C11orf65: variants seen among roughly 807,000 people sequenced by gnomAD.
The protein encoded by C11orf65 is protein MFI.
A neutral mutation model predicts 35.3 loss-of-function variants in C11orf65; 38 were observed. That is an observed-to-expected ratio of 1.08 (90% CI 0.83 to 1.41). C11orf65 has a LOEUF of 1.41. C11orf65 is among the 40% of genes most tolerant of loss of function. The pLI, the probability that C11orf65 is intolerant of heterozygous loss-of-function variation, is 0.00. For synonymous variants in C11orf65, 105 were observed against 114.4 expected (o/e 0.92, Z 0.53); for missense variants, 370 against 367.1 (o/e 1.01, Z -0.06).
chr11:108,322,612 T>C (rs1376742949), intron 6 of C11orf65, among the ~76,000 whole-genome samples: 1 of 152,232 alleles, frequency 6.6e-6, no homozygotes, highest in African/African-American at 2.4e-5. Flanking sequence ...ATAGTATAGT[T>C]ACTCAGGATG....
intron 2 of C11orf65, among the ~76,000 whole-genome samples, chr11:108,437,686 G>A (rs2093082690): frequency 7.6e-6 from 1 of 131,706 alleles, no homozygotes; most frequent in Admixed American, 8.2e-5. Flanking sequence ...CTCCAGCCTG[G>A]TGACAGGTGA....
At chr11:108,395,699 C>A (rs2092292930) in intron 6 of C11orf65, among the ~76,000 whole-genome samples, 1 of 146,124 alleles carries the variant, frequency 6.8e-6, no homozygotes, top group Non-Finnish European at 1.5e-5. Context: ...CGGCTCACTG[C>A]AAGCTCCGCC....
intron 7 of C11orf65, among the ~76,000 whole-genome samples, chr11:108,391,841 TAACACATG>T (rs912694565): frequency 3.3e-5 from 5 of 151,216 alleles, no homozygotes; most frequent in African/African-American, 1.2e-4. Flanking sequence ...ATAAATAAAA[TAACACATG>T]ATCCTTTGTG....
At position 108,405,543 on chromosome 11, in the gene C11orf65, T is replaced by C. The variant is rs745390622; in HGVS notation, c.446A>G (p.Asp149Gly). 5 of 1,612,934 alleles carry C rather than the reference T, an allele frequency of 3.1e-6. No individual in the cohort carries two copies. Among genetic ancestry groups the C allele is most frequent in the Middle Eastern group, 1.6e-4 (1 of 6,082 alleles). The stretch of plus-strand genomic sequence containing the variant: ...CTTTTTGTCTTCCACCACCATACCA[T>C]CAGTAGATAGCCAAAACTATTGAGA... ...PVSDTFWLST[D>G]GMVVEDKKES... The change falls in exon 6 of 9, where the codon GAT (aspartate) becomes GGT (glycine). Residue 149 changes from aspartate (D) to glycine (G), a missense_variant. Physicochemically the swap from Asp to Gly is moderately conservative, Grantham distance 94. Coordinates refer to ENST00000393084, the MANE Select transcript of C11orf65 (RefSeq NM_152587.5).
rs1400642000 is a variant in C11orf65, at chr11:108,331,429, T to G, written c.*121A>C. The G allele has an allele frequency of 6.2e-7, 1 of 1,610,762 alleles. No homozygotes were observed. The highest frequency in any genetic ancestry group is 8.5e-7 in the Non-Finnish European group (1 of 1,178,594). ...TACCTTGTTTCTTAATTTTGTGTCT[T>G]TTTTTTAATGGTAGAGAGACGGAAT... On this transcript the variant is annotated 3_prime_UTR_variant, in exon 4 of 4. Coordinates refer to the C11orf65 transcript ENST00000524755.
chr11:108,464,651 C>T (rs12792979), intron 1 of C11orf65, among the ~76,000 whole-genome samples: 55,026 of 151,950 alleles, frequency 0.36, 10,457 homozygotes, highest in East Asian at 0.55. Flanking sequence ...TGAGCCACTG[C>T]GCCTGGTGCA....
intron 2 of C11orf65, among the ~76,000 whole-genome samples, chr11:108,357,357 G>A (rs1030924415): frequency 3.3e-5 from 5 of 152,166 alleles, no homozygotes; most frequent in Non-Finnish European, 2.9e-5. Context: ...AGGTGGCAGC[G>A]AGGCTGGGGG....
chr11:108,312,948 C>T (rs1283062484), intron 6 of C11orf65, among the ~76,000 whole-genome samples: 1 of 152,160 alleles, frequency 6.6e-6, no homozygotes, highest in African/African-American at 2.4e-5. Context: ...TTGGTCAACT[C>T]ATTCCTCCAC....
intron 2 of C11orf65, among the ~76,000 whole-genome samples, chr11:108,436,350 A>C (rs2093060341): frequency 6.6e-6 from 1 of 151,696 alleles, no homozygotes; most frequent in South Asian, 2.1e-4. Context: ...CAGTAGCATT[A>C]GGAAATTAAT....
chr11:108,441,576 G>A (rs1276914078), intron 2 of C11orf65, among the ~76,000 whole-genome samples: 1 of 152,198 alleles, frequency 6.6e-6, no homozygotes, highest in Non-Finnish European at 1.5e-5. Flanking sequence ...CCCCCCAGTA[G>A]GGGCAGACTG....
At chr11:108,450,723 A>G (rs968833480) in intron 2 of C11orf65, among the ~76,000 whole-genome samples, 14 of 151,626 alleles carry the variant, frequency 9.2e-5, no homozygotes, top group Non-Finnish European at 1.8e-4. Flanking sequence ...ATGTATACAT[A>G]TGTAAGAAAC....
chr11:108,365,620 G>A lies in C11orf65; in HGVS notation c.226+27588C>T, dbSNP rs1216708538. On this transcript the variant is annotated intron_variant, in intron 2 of 3. Coordinates refer to the C11orf65 transcript ENST00000524755. Reference sequence around the variant, plus strand: ...GGGATTAATATTTAAGTGAACTATTGTGGGTTTTTTTGAATGTTGGTTTTA... The same window carrying A: ...GGGATTAATATTTAAGTGAACTATTATGGGTTTTTTTGAATGTTGGTTTTA... 16 of 1,347,844 alleles carry A rather than the reference G, an allele frequency of 1.2e-5. No homozygotes were observed. The Admixed American group carries it at 3.7e-4, about 31-fold the overall frequency. The allele number at this position is 1,347,844 out of a possible 1,614,324, so 83.5% of individuals were successfully genotyped here.
Position 108,331,524 on chromosome 11 carries a change from G to A in C11orf65, c.*26C>T, listed in dbSNP as rs587781854. The A allele has an allele frequency of 6.2e-7, 1 of 1,612,930 alleles. No homozygotes were observed. Among genetic ancestry groups the A allele is most frequent in the Non-Finnish European group, 8.5e-7 (1 of 1,179,588 alleles). On this transcript the variant is annotated 3_prime_UTR_variant, in exon 4 of 4. Transcript: ENST00000524755. ...CTGCTAGAATGGGGACCAAGATGATGGGAGGCCTAGGATTTCATGAAGTCC... is the reference window on the plus strand; with the variant it reads ...CTGCTAGAATGGGGACCAAGATGATAGGAGGCCTAGGATTTCATGAAGTCC...
At chr11:108,373,271 AG>A (rs1319581701) in intron 2 of C11orf65, among the ~76,000 whole-genome samples, 7 of 152,226 alleles carry the variant, frequency 4.6e-5, no homozygotes, top group Admixed American at 1.3e-4. Context: ...CCAATAGTGC[AG>A]AAAAAGCTTG....
chr11:108,437,770 C>T (rs1221906346), intron 2 of C11orf65, among the ~76,000 whole-genome samples: 2 of 125,064 alleles, frequency 1.6e-5, no homozygotes, highest in Non-Finnish European at 3.4e-5. Context: ...AAACACCCCA[C>T]ATTCACAGAT....
intron 3 of C11orf65, among the ~76,000 whole-genome samples, chr11:108,419,476 T>C (rs906539880): frequency 8.5e-5 from 13 of 152,258 alleles, no homozygotes; most frequent in Middle Eastern, 3.4e-3. Flanking sequence ...GGCAGGAGGA[T>C]TGCTTGAGGA....
At chr11:108,465,995 A>AAAC (rs1223328038) in intron 1 of C11orf65, among the ~76,000 whole-genome samples, 2 of 99,430 alleles carry the variant, frequency 2.0e-5, no homozygotes, top group East Asian at 2.1e-4. Context: ...AAAAAAAAAA[A>AAAC]AACAACAACA....
chr11:108,446,797 G>C (rs1228603495), intron 2 of C11orf65, among the ~76,000 whole-genome samples: 1 of 152,140 alleles, frequency 6.6e-6, no homozygotes, highest in Non-Finnish European at 1.5e-5. Context: ...AACTTTAAAT[G>C]TAAATGGGCT....
chr11:108,415,002 G>C (rs2092709875), intron 3 of C11orf65, among the ~76,000 whole-genome samples: 1 of 151,986 alleles, frequency 6.6e-6, no homozygotes, highest in Non-Finnish European at 1.5e-5. Context: ...TAACAACTTT[G>C]GCAAACTAGG....
Sources: gnomAD v4.1 joint callset for allele counts (sites outside exome capture counted in the v4.1 genomes callset) on GRCh38, gnomAD v4.1.1 for gene constraint, MANE v1.5 for transcripts, NCBI Gene and HGNC (gene_info 2026-07-23, HGNC 2026-07-21) for gene names.